Variants in ITIH5 observed in about 807,000 individuals in gnomAD.
ITIH5 encodes inter-alpha-trypsin inhibitor heavy chain 5, also known as inter-alpha-trypsin inhibitor heavy chain H5.
A neutral mutation model predicts 77.5 loss-of-function variants in ITIH5; 65 were observed. The ratio of observed to expected loss-of-function variants is 0.84; its 90% CI spans 0.69 to 1.03. The LOEUF (loss-of-function observed/expected upper bound fraction) is 1.03, where lower values mean the gene tolerates loss of function less well. Ranked by LOEUF, ITIH5 falls within the 50% of genes least tolerant of loss-of-function variation. The probability of loss-of-function intolerance (pLI) is 0.00; values close to 1 mark genes in which losing one functional copy is unlikely to be tolerated. For missense variants in ITIH5, 1,208 were observed against 1,213.1 expected, an observed-to-expected ratio of 1.00 and a Z score of 0.06; for synonymous variants, 525 against 494.3, an observed-to-expected ratio of 1.06 and a Z score of -0.82.
chr10:7,613,040 T>C (rs547833718), intron 7 of ITIH5, among the ~76,000 whole-genome samples: 1 of 151,954 alleles, frequency 6.6e-6, no homozygotes, highest in Non-Finnish European at 1.5e-5. Context: ...AGGTTAGGAG[T>C]TCGAGACCAG....
intron 12 of ITIH5, among the ~76,000 whole-genome samples, chr10:7,567,504 A>G (rs1418620172): frequency 1.4e-5 from 2 of 141,804 alleles, no homozygotes; most frequent in South Asian, 4.7e-4. Context: ...TGACCCCACG[A>G]CAGGCCCTGG....
At chr10:7,655,073 G>A (rs1247896335) in intron 2 of ITIH5, among the ~76,000 whole-genome samples, 4 of 152,178 alleles carry the variant, frequency 2.6e-5, no homozygotes, top group African/African-American at 9.6e-5. Flanking sequence ...TGCAGGGAGG[G>A]CTAGGATAAA....
Position 7,579,756 on chromosome 10 carries a change from C to G in ITIH5, c.1417G>C (p.Gly473Arg). The change falls in exon 9 of 14, where the codon GGG becomes CGG. Residue 473 changes from glycine (G) to arginine (R), a missense_variant and splice_region_variant. Transcript: ENST00000397146. ...TGCCTACGAAGACAGACCACAGACCCGATGAGCTGCGAGCCTGCGTCCTCC... is the reference window on the plus strand; with the variant it reads ...TGCCTACGAAGACAGACCACAGACCGGATGAGCTGCGAGCCTGCGTCCTCC... ...EEEDAGSQLIGFYDEIRTPLL... is the reference protein window; with the variant it reads ...EEEDAGSQLIRFYDEIRTPLL... The G allele has an allele frequency of 1.2e-6, 2 of 1,612,652 alleles. No homozygotes were observed. Among genetic ancestry groups the G allele is most frequent in the South Asian group, 1.1e-5 (1 of 91,064 alleles).
chr10:7,613,320 A>G, intron 7 of ITIH5, among the ~76,000 whole-genome samples: 1 of 152,146 alleles, frequency 6.6e-6, no homozygotes, highest in Non-Finnish European at 1.5e-5. Context: ...TTGGTAAATA[A>G]GGAAAGGCTA....
At position 7,559,892 on chromosome 10, in the gene ITIH5, C is replaced by T. The variant is rs749440025; in HGVS notation, c.*3191G>A. On this transcript the variant is annotated 3_prime_UTR_variant, in exon 14 of 14. Coordinates refer to ENST00000397146, the MANE Select transcript of ITIH5 (RefSeq NM_030569.7). Reference sequence around the variant, plus strand: ...TTTTTGACGGAGTTTGGCTCTGTCACTCCAGCTGGAGTGCAGTGGCGTGAT... The same window carrying T: ...TTTTTGACGGAGTTTGGCTCTGTCATTCCAGCTGGAGTGCAGTGGCGTGAT... 4.2e-5 allele frequency: 19 copies of T among 452,710 alleles called. No homozygotes were observed. The highest frequency in any genetic ancestry group is 8.4e-5 in the Non-Finnish European group (19 of 226,328). The allele number at this position is 452,710 out of a possible 1,614,324, so 28.0% of individuals were successfully genotyped here.
chr10:7,563,879 C>A (rs1174954213), intron 13 of ITIH5, among the ~76,000 whole-genome samples: 1 of 152,254 alleles, frequency 6.6e-6, no homozygotes. Flanking sequence ...GAATAAAGAG[C>A]TGTGTCTGCA....
chr10:7,614,848 G>A (rs1319578761), intron 7 of ITIH5, among the ~76,000 whole-genome samples: 3 of 152,204 alleles, frequency 2.0e-5, no homozygotes, highest in Non-Finnish European at 2.9e-5. Flanking sequence ...GTTCAACTGC[G>A]TGTGAGGCAG....
At chr10:7,626,476 A>T (rs539726087) in intron 5 of ITIH5, among the ~76,000 whole-genome samples, 10 of 152,364 alleles carry the variant, frequency 6.6e-5, no homozygotes, top group African/African-American at 2.4e-4. Flanking sequence ...AAACCTTCAC[A>T]TAACAACCAG....
At position 7,616,067 on chromosome 10, in the gene ITIH5, G is replaced by A; in HGVS notation, c.854C>T (p.Ala285Val). The A allele has an allele frequency of 6.2e-7, 1 of 1,611,452 alleles. No homozygotes were observed. Among genetic ancestry groups the A allele is most frequent in the Non-Finnish European group, 8.5e-7 (1 of 1,177,578 alleles). Residue 285 changes from alanine (A) to valine (V), a missense_variant, in exon 7 of 14, where the codon GCT becomes GTT. By Grantham distance (64) the Ala-to-Val change is moderately conservative. Transcript: ENST00000397146. ...VLNGYFVHYFAPKDLPPLPKN... is the reference protein window; with the variant it reads ...VLNGYFVHYFVPKDLPPLPKN... ...GGGTAAAGGAGGAAGGTCTTTAGGA[G>A]CAAAGTAGTGCACAAAATAGCCATT...
At chr10:7,644,700 CTA>C (rs1564277908) in intron 2 of ITIH5, among the ~76,000 whole-genome samples, 3 of 111,020 alleles carry the variant, frequency 2.7e-5, no homozygotes, top group African/African-American at 9.2e-5. Flanking sequence ...TATCACATAT[CTA>C]TATCACATAT....
chr10:7,573,064 C>A, intron 11 of ITIH5, 78 bp downstream of exon 11: 1 of 1,365,282 alleles, frequency 7.3e-7, no homozygotes, highest in East Asian at 2.3e-5. Context: ...AGGCGTGAGC[C>A]AGTACACCTG....
At chr10:7,637,627 A>G in intron 4 of ITIH5, 149 bp from the exon 5 acceptor site, 1 of 773,138 alleles carries the variant, frequency 1.3e-6, no homozygotes. Context: ...GAAAGGAAAA[A>G]TAAAAATTCG....
chr10:7,564,707 G>T (rs1832104279), intron 13 of ITIH5, among the ~76,000 whole-genome samples: 1 of 151,818 alleles, frequency 6.6e-6, no homozygotes, highest in South Asian at 2.1e-4. Flanking sequence ...CATTAAGCAA[G>T]GCATGACTGT....
rs767067116 is a variant in ITIH5, at chr10:7,576,902, G to A, written c.1529C>T (p.Ser510Leu). The change falls in exon 10 of 14, where the codon TCG (serine) becomes TTG (leucine). Residue 510 changes from serine (S) to leucine (L), a missense_variant. Transcript: ENST00000397146. ...CAGCTTCCCCGCAATGATGATCTCC[G>A]AGCCGTTGAAGTAGTTGGGGAACAG... ...KTLFPNYFNG[S>L]EIIIAGKLVD... The A allele has an allele frequency of 1.4e-5, 22 of 1,614,002 alleles. No homozygotes were observed. Among genetic ancestry groups the A allele is most frequent in the South Asian group, 4.4e-5 (4 of 91,062 alleles).
intron 7 of ITIH5, among the ~76,000 whole-genome samples, chr10:7,599,552 G>A (rs2131003311): frequency 6.6e-6 from 1 of 152,184 alleles, no homozygotes; most frequent in South Asian, 2.1e-4. Flanking sequence ...CAGGTGTTTT[G>A]GTGTCGGACT....
chr10:7,650,962 A>G (rs542733837), intron 2 of ITIH5, among the ~76,000 whole-genome samples: 12 of 152,004 alleles, frequency 7.9e-5, no homozygotes, highest in African/African-American at 2.9e-4. Flanking sequence ...TTTTTATACA[A>G]GAAAACCCTC....
At chr10:7,665,838 TC>T (rs991128759) in intron 1 of ITIH5, among the ~76,000 whole-genome samples, 3 of 151,656 alleles carry the variant, frequency 2.0e-5, no homozygotes, top group Admixed American at 6.6e-5. Flanking sequence ...TATTAGCTAC[TC>T]CCCCCCTAGA....
At chr10:7,572,163 G>A (rs1038509267) in intron 11 of ITIH5, 40 of 1,166,622 alleles carry the variant, frequency 3.4e-5, no homozygotes, top group Admixed American at 3.7e-5. Flanking sequence ...CAGGCTGTGC[G>A]GACTCTATAT....
Position 7,666,955 on chromosome 10 carries a change from T to A in ITIH5, c.-63A>T. On this transcript the variant is annotated 5_prime_UTR_variant, in exon 1 of 14. Coordinates refer to ENST00000397146, the MANE Select transcript of ITIH5 (RefSeq NM_030569.7). The stretch of plus-strand genomic sequence containing the variant: ...GGACACGCTTTGCAGCGCCCAGGGC[T>A]CCAGCCACTGCGGGACGCTCTCGGG... 1 of 1,343,110 alleles carries A rather than the reference T, an allele frequency of 7.4e-7. No individual in the cohort carries two copies. Among genetic ancestry groups the A allele is most frequent in the Non-Finnish European group, 1.0e-6 (1 of 983,510 alleles). 83.2% of individuals were successfully genotyped at this position (1,343,110 alleles called of 1,614,324 possible).
Sources: allele counts gnomAD v4.1 joint callset (sites outside exome capture counted in the v4.1 genomes callset), GRCh38; gene constraint gnomAD v4.1.1; transcripts MANE v1.5; gene names NCBI Gene and HGNC (gene_info 2026-07-23, HGNC 2026-07-21).